CDC42SE2: variants seen among roughly 807,000 people sequenced by gnomAD.
CDC42SE2 encodes the protein CDC42 small effector protein 2.
Under a neutral mutation model 11.5 loss-of-function variants are expected in CDC42SE2, and 3 were observed. The ratio of observed to expected loss-of-function variants is 0.26; its 90% CI spans 0.12 to 0.67. CDC42SE2 has a LOEUF of 0.67. CDC42SE2 is among the 30% of genes least tolerant of loss of function. The pLI, the probability that CDC42SE2 is intolerant of heterozygous loss-of-function variation, is 0.80. For missense variants in CDC42SE2, 82 were observed against 106.8 expected, an observed-to-expected ratio of 0.77 and a Z score of 1.02; for synonymous variants, 33 against 34.8, an observed-to-expected ratio of 0.95 and a Z score of 0.18.
At position 131,313,075 on chromosome 5, in the gene CDC42SE2, C is replaced by T. The variant is rs1359030181; in HGVS notation, c.-454-2901C>T. ...TTGGCTCACTGAAAGCTCTGCCTCC[C>T]GGGTTCACACCATTCTGCTGCCTCA... is the stretch of plus-strand genomic sequence containing the variant. On this transcript the variant is annotated intron_variant, in intron 1 of 4. Transcript: ENST00000505065. Among the ~76,000 whole-genome samples the T allele has an allele frequency of 1.4e-4, 21 of 152,062 alleles. No homozygotes were observed. In the East Asian group the frequency reaches 2.7e-3, roughly 20 times the overall value.
upstream of CDC42SE2, among the ~76,000 whole-genome samples, chr5:131,245,328 C>A (rs75880207): frequency 5.7e-3 from 874 of 152,190 alleles, 5 homozygotes; most frequent in Middle Eastern, 0.01. Context: ...TACTGACATA[C>A]TGATTGGGTT....
At position 131,267,767 on chromosome 5, in the gene CDC42SE2, C is replaced by T. The variant is rs114751935; in HGVS notation, c.-455+3601C>T. On this transcript the variant is annotated intron_variant, in intron 1 of 4. Transcript: ENST00000505065. Reference sequence around the variant, plus strand: ...TAGGTTGCTGTTATGTTTTAAAGTCCCAGTTGTCTTTTTTAAAATTATGAA... The same window carrying T: ...TAGGTTGCTGTTATGTTTTAAAGTCTCAGTTGTCTTTTTTAAAATTATGAA... Among the ~76,000 whole-genome samples the T allele has an allele frequency of 3.5e-3, 534 of 151,870 alleles. 4 individuals carry two copies. The highest frequency in any genetic ancestry group is 0.012 in the African/African-American group (515 of 41,386).
the CDC42SE2 span, among the ~76,000 whole-genome samples, chr5:131,231,672 A>G: frequency 1.3e-5 from 2 of 151,802 alleles, no homozygotes; most frequent in Non-Finnish European, 2.9e-5. Context: ...GATGTATTTT[A>G]ATTTATTACT....
At chr5:131,297,952 TAC>T (rs986542797) in intron 1 of CDC42SE2, among the ~76,000 whole-genome samples, 4 of 152,012 alleles carry the variant, frequency 2.6e-5, no homozygotes, top group African/African-American at 7.2e-5. Context: ...AAAAAGTTAA[TAC>T]ACGAAAACGT....
chr5:131,288,497 T>C (rs1394134388), intron 1 of CDC42SE2, among the ~76,000 whole-genome samples: 1 of 152,158 alleles, frequency 6.6e-6, no homozygotes, highest in Non-Finnish European at 1.5e-5. Context: ...TACTGTAATT[T>C]CGATTCCTTT....
chr5:131,268,262 C>T (rs1756914074), intron 1 of CDC42SE2, among the ~76,000 whole-genome samples: 2 of 151,446 alleles, frequency 1.3e-5, no homozygotes, highest in African/African-American at 4.9e-5. Context: ...AGGGTTTCTC[C>T]ATGGTCATCA....
chr5:131,329,357 A>G (rs1758363291), intron 2 of CDC42SE2, among the ~76,000 whole-genome samples: 1 of 151,952 alleles, frequency 6.6e-6, no homozygotes. Flanking sequence ...TGCTGCCATT[A>G]TTGTTCTTGG....
chr5:131,388,921 C>T (rs901407965), intron 4 of CDC42SE2, among the ~76,000 whole-genome samples: 4 of 152,094 alleles, frequency 2.6e-5, no homozygotes, highest in East Asian at 1.9e-4. Flanking sequence ...CAGCCTTGAC[C>T]GCCTAGGCTC....
intron 1 of CDC42SE2, among the ~76,000 whole-genome samples, chr5:131,254,699 G>GAAA (rs397766314): frequency 6.6e-6 from 1 of 151,614 alleles, no homozygotes; most frequent in South Asian, 2.1e-4. Flanking sequence ...AAAGAAAAAA[G>GAAA]CTTATGTAGA....
chr5:131,348,672 C>T (rs1758918368), intron 2 of CDC42SE2, among the ~76,000 whole-genome samples: 1 of 152,140 alleles, frequency 6.6e-6, no homozygotes, highest in Non-Finnish European at 1.5e-5. Flanking sequence ...GAAAAAGAGC[C>T]TGCATTGCCT....
intron 3 of CDC42SE2, among the ~76,000 whole-genome samples, chr5:131,373,688 T>C (rs770065623): frequency 3.3e-5 from 5 of 151,868 alleles, no homozygotes; most frequent in East Asian, 1.9e-4. Context: ...TCGGAAGAAA[T>C]AGATGATACA....
intron 2 of CDC42SE2, among the ~76,000 whole-genome samples, chr5:131,358,126 T>C (rs1426345624): frequency 6.6e-6 from 1 of 152,232 alleles, no homozygotes; most frequent in African/African-American, 2.4e-5. Context: ...CCGTTTTGCC[T>C]AGAGATCATT....
chr5:131,269,426 G>C (rs1756945381), intron 1 of CDC42SE2, among the ~76,000 whole-genome samples: 3 of 152,076 alleles, frequency 2.0e-5, no homozygotes, highest in Admixed American at 1.3e-4. Flanking sequence ...CTCATGCTGT[G>C]ATTTCATATT....
At chr5:131,379,679 T>A (rs911902621) in intron 3 of CDC42SE2, among the ~76,000 whole-genome samples, 18 of 152,148 alleles carry the variant, frequency 1.2e-4, no homozygotes, top group Admixed American at 6.5e-5. Context: ...ACATAGCAGT[T>A]CATTTGGGTC....
At position 131,265,280 on chromosome 5, in the gene CDC42SE2, A is replaced by G. The variant is rs189665973; in HGVS notation, c.-455+1114A>G. On this transcript the variant is annotated intron_variant, in intron 1 of 4. Coordinates refer to ENST00000505065, the MANE Select transcript of CDC42SE2 (RefSeq NM_001375635.1). ...GGTATACATTTTCTGTTTCTTAAAA[A>G]CAGGCCTTATTTCTAATCTTTAAAA... is the stretch of plus-strand genomic sequence containing the variant. Among the ~76,000 whole-genome samples the G allele has an allele frequency of 2.3e-3, 354 of 152,324 alleles. 2 individuals are homozygous for G. The highest frequency in any genetic ancestry group is 3.4e-3 in the Non-Finnish European group (230 of 68,038).
chr5:131,283,221 C>A (rs745809347), intron 1 of CDC42SE2, among the ~76,000 whole-genome samples: 29 of 152,154 alleles, frequency 1.9e-4, no homozygotes, highest in Non-Finnish European at 3.8e-4. Context: ...GCCACTGCGC[C>A]TGGCCAAAAT....
chr5:131,333,306 TGC>T (rs1758467320), intron 2 of CDC42SE2, among the ~76,000 whole-genome samples: 1 of 152,224 alleles, frequency 6.6e-6, no homozygotes, highest in Non-Finnish European at 1.5e-5. Flanking sequence ...CTGAGGGCTC[TGC>T]TCTGTTCCAT....
At chr5:131,232,754 AAC>A in the CDC42SE2 span, among the ~76,000 whole-genome samples, 2,864 of 94,444 alleles carry the variant, frequency 0.03, 132 homozygotes, top group African/African-American at 0.071. Flanking sequence ...AAAAAAAAAA[AAC>A]AAAACAGAAA....
At chr5:131,272,099 C>T (rs1405984565) in intron 1 of CDC42SE2, among the ~76,000 whole-genome samples, 1 of 152,136 alleles carries the variant, frequency 6.6e-6, no homozygotes, top group African/African-American at 2.4e-5. Flanking sequence ...CAACTTCTGC[C>T]TCCCAGGTTC....
Sources: allele counts gnomAD v4.1 joint callset (sites outside exome capture counted in the v4.1 genomes callset), GRCh38; gene constraint gnomAD v4.1.1; transcripts MANE v1.5; gene names NCBI Gene and HGNC (gene_info 2026-07-23, HGNC 2026-07-21).